Variants in ZNF717 observed in about 807,000 individuals in gnomAD.
ZNF717 encodes zinc finger protein 717.
ZNF717 carries 9 observed loss-of-function variants against 13.8 expected under a neutral mutation model. The ratio of observed to expected loss-of-function variants is 0.65; its 90% CI spans 0.39 to 1.14. ZNF717 has a LOEUF of 1.14. Ranked by LOEUF, ZNF717 falls within the 50% of genes most tolerant of loss-of-function variation. ZNF717 has a pLI of 0.01. For synonymous variants in ZNF717, 327 were observed against 364.1 expected, an observed-to-expected ratio of 0.90 and a Z score of 1.16; for missense variants, 1,040 against 1,080.7, an observed-to-expected ratio of 0.96 and a Z score of 0.53.
intron 4 of ZNF717, among the ~76,000 whole-genome samples, chr3:75,720,717 T>G (rs2106860969): frequency 6.6e-6 from 1 of 152,372 alleles, no homozygotes; most frequent in Admixed American, 6.5e-5. Flanking sequence ...GCACAGTGGC[T>G]CATATTTGTA....
intron 2 of ZNF717, among the ~76,000 whole-genome samples, chr3:75,770,531 G>C (rs1270912154): frequency 6.6e-6 from 1 of 152,124 alleles, no homozygotes; most frequent in East Asian, 1.9e-4. Context: ...CTGCACTCCA[G>C]CATGGGCAAC....
intron 2 of ZNF717, among the ~76,000 whole-genome samples, chr3:75,782,832 G>A (rs1433878745): frequency 4.0e-5 from 6 of 151,386 alleles, no homozygotes; most frequent in East Asian, 3.9e-4. Flanking sequence ...ACAACACGCC[G>A]TGCTTTAGCG....
chr3:75,746,040 C>G lies in ZNF717; in HGVS notation c.58-4304G>C, dbSNP rs1438882581. 3.3e-5 allele frequency among the ~76,000 whole-genome samples: 5 copies of G among 152,056 alleles called. No homozygotes were observed. In the East Asian group the frequency reaches 5.8e-4, roughly 18 times the overall value. On this transcript the variant is annotated intron_variant, in intron 2 of 4. Coordinates refer to ENST00000652011, the MANE Select transcript of ZNF717 (RefSeq NM_001290208.3). Reference sequence around the variant, plus strand: ...CCACCCTGCTCCCCCTACCCCACAACAAGCCCCGGTGTGTGATGTTCCCCT... The same window carrying G: ...CCACCCTGCTCCCCCTACCCCACAAGAAGCCCCGGTGTGTGATGTTCCCCT...
chr3:75,765,512 G>A (rs560058762), intron 2 of ZNF717, among the ~76,000 whole-genome samples: 315 of 150,386 alleles, frequency 2.1e-3, no homozygotes, highest in Admixed American at 3.4e-3. Flanking sequence ...CCAGGCTCAA[G>A]CAACCCTCCC....
chr3:75,741,197 G>T, intron 4 of ZNF717, 79 bp downstream of exon 4: 1 of 833,424 alleles, frequency 1.2e-6, no homozygotes. Flanking sequence ...GGAAAAAAGT[G>T]GTGAAAACAA....
chr3:75,718,064 G>C (rs1349754010), intron 4 of ZNF717, among the ~76,000 whole-genome samples: 1 of 152,226 alleles, frequency 6.6e-6, no homozygotes, highest in Admixed American at 6.5e-5. Flanking sequence ...TGCCAAGTGA[G>C]TTACACTGCA....
chr3:75,717,267 G>A (rs1393315309), intron 4 of ZNF717, among the ~76,000 whole-genome samples: 7 of 152,262 alleles, frequency 4.6e-5, no homozygotes, highest in East Asian at 3.8e-4. Flanking sequence ...GTCAACAAAT[G>A]ATAGGTATGT....
At chr3:75,779,530 T>C (rs948478698) in intron 2 of ZNF717, among the ~76,000 whole-genome samples, 1 of 146,406 alleles carries the variant, frequency 6.8e-6, no homozygotes, top group South Asian at 2.2e-4. Context: ...CCCAAAACAA[T>C]GGGAGTGTCC....
In ZNF717 at chr3:75,748,209, C is replaced by CAA. The variant is rs1199371967; in HGVS notation, c.58-6474_58-6473insTT. Among the ~76,000 whole-genome samples the CAA allele has an allele frequency of 6.3e-4, 96 of 152,180 alleles. 1 individual carries two copies. Among genetic ancestry groups the CAA allele is most frequent in the African/African-American group, 1.8e-3 (75 of 41,514 alleles). ...AATTGAGGCAATAATAGCTTACCAA[C>CAA]CAAAAAGAGTCCAGAACCAGACGGA... On this transcript the variant is annotated intron_variant, in intron 2 of 4. Transcript: ENST00000652011.
At chr3:75,748,602 T>C (rs1424498676) in intron 2 of ZNF717, among the ~76,000 whole-genome samples, 2 of 152,190 alleles carry the variant, frequency 1.3e-5, no homozygotes, top group Admixed American at 1.3e-4. Context: ...CATGATTATC[T>C]GAATACACGC....
At chr3:75,780,795 A>G (rs540593808) in intron 2 of ZNF717, among the ~76,000 whole-genome samples, 4 of 152,388 alleles carry the variant, frequency 2.6e-5, no homozygotes, top group African/African-American at 9.6e-5. Flanking sequence ...ACCAAAATGG[A>G]GTTACTCATG....
intron 2 of ZNF717, among the ~76,000 whole-genome samples, chr3:75,750,362 C>T (rs1391135846): frequency 2.0e-5 from 3 of 151,544 alleles, no homozygotes; most frequent in East Asian, 1.9e-4. Flanking sequence ...AATGTTTGTC[C>T]CTCACATAGG....
In ZNF717 at chr3:75,719,284, CA is replaced by C. The variant is rs58182512; in HGVS notation, n.545-2744del. ...TGGGTGATAGAGTGTCACCCTGTCT[CA>C]AAAAAAAAAAAAAGAATATTAAAAC... On this transcript the variant is annotated intron_variant and non_coding_transcript_variant, in intron 4 of 5. Transcript: ENST00000491507. Among the ~76,000 whole-genome samples, 1,046 of 134,246 alleles carry C rather than the reference CA, an allele frequency of 7.8e-3. 16 individuals carry two copies. Among genetic ancestry groups the C allele is most frequent in the East Asian group, 0.075 (346 of 4,630 alleles). 88.1% of individuals were successfully genotyped at this position (134,246 alleles called of 152,430 possible).
intron 2 of ZNF717, among the ~76,000 whole-genome samples, chr3:75,758,118 A>G (rs948676724): frequency 2.6e-5 from 3 of 114,480 alleles, no homozygotes; most frequent in African/African-American, 1.4e-4. Flanking sequence ...ATCTCAAAAA[A>G]AAAAAAAAAA....
chr3:75,699,573 C>A (rs112059005), intron 6 of ZNF717, among the ~76,000 whole-genome samples: 2 of 152,290 alleles, frequency 1.3e-5, no homozygotes, highest in Non-Finnish European at 2.9e-5. Context: ...CTCACACTTA[C>A]CATGTGATGT....
chr3:75,783,863 CTTTTT>C (rs1291116402), intron 1 of ZNF717, among the ~76,000 whole-genome samples: 2 of 152,212 alleles, frequency 1.3e-5, no homozygotes, highest in South Asian at 4.2e-4. Context: ...CCTACAATTA[CTTTTT>C]TTTAAATGTA....
chr3:75,696,685 G>A (rs1381798612), intron 6 of ZNF717, among the ~76,000 whole-genome samples: 6 of 152,292 alleles, frequency 3.9e-5, no homozygotes, highest in Non-Finnish European at 7.3e-5. Flanking sequence ...CTGAGTTCAG[G>A]AGTTCTAAAC....
Position 75,737,725 on chromosome 3 carries a change from T to C in ZNF717, c.1898A>G (p.Asn633Ser). 6.5e-7 allele frequency: 1 copy of C among 1,545,814 alleles called. No individual in the cohort carries two copies. The highest frequency in any genetic ancestry group is 8.8e-7 in the Non-Finnish European group (1 of 1,142,834). ...GTGAGTTCCCTGATGGGTGCTGAGA[T>C]TTGACTTCTGACGAAAGGTTTTTCC... ...ECGKTFRQKS[N>S]LSTHQGTHTG... Residue 633 changes from asparagine to serine, a missense_variant, in exon 5 of 5, where the codon AAT becomes AGT. This residue lies in a region of ZNF717 where 873 missense variants were observed against 832.8 expected (regional missense o/e 1.05). Coordinates refer to ENST00000652011, the MANE Select transcript of ZNF717 (RefSeq NM_001290208.3).
chr3:75,774,607 G>C (rs554637642), intron 2 of ZNF717, among the ~76,000 whole-genome samples: 34 of 100,880 alleles, frequency 3.4e-4, no homozygotes, highest in African/African-American at 1.1e-3. Flanking sequence ...TAAAATTCTT[G>C]TGGTTTTTTT....
Sources: allele counts gnomAD v4.1 joint callset (sites outside exome capture counted in the v4.1 genomes callset), GRCh38; gene constraint gnomAD v4.1.1; regional missense constraint gnomAD v4.1.1; transcripts MANE v1.5; gene names NCBI Gene and HGNC (gene_info 2026-07-23, HGNC 2026-07-21).